ZNF814: variants seen among roughly 807,000 people sequenced by gnomAD.
The protein encoded by ZNF814 is zinc finger protein 814.
Under a neutral mutation model 7.5 loss-of-function variants are expected in ZNF814, and 5 were observed. The ratio of observed to expected loss-of-function variants is 0.67; its 90% CI spans 0.35 to 1.40. The LOEUF (loss-of-function observed/expected upper bound fraction) is 1.40, where lower values mean the gene tolerates loss of function less well. Ranked by LOEUF, ZNF814 falls within the 40% of genes most tolerant of loss-of-function variation. The pLI, the probability that ZNF814 is intolerant of heterozygous loss-of-function variation, is 0.04. For synonymous variants in ZNF814, 315 were observed against 340.7 expected (o/e 0.92, Z 0.83); for missense variants, 962 against 1,018.0 (o/e 0.94, Z 0.75).
rs138986175 is a variant in ZNF814 at position 57,888,690 on chromosome 19, C to T, written c.36+77G>A. The T allele has an allele frequency of 1.8e-4, 275 of 1,528,422 alleles. No homozygotes were observed. In the African/African-American group the frequency reaches 3.0e-3, roughly 16 times the overall value. 94.7% of individuals were successfully genotyped at this position (1,528,422 alleles called of 1,614,324 possible). On this transcript the variant is annotated intron_variant, in intron 1 of 2. Coordinates refer to ENST00000435989, the MANE Select transcript of ZNF814 (RefSeq NM_001144989.2). ...AACGCCGGCGTCCGGGCTGCAGAGC[C>T]GTGAACAGGCGCTGCTACCTCGCTG...
Position 57,873,533 on chromosome 19 carries a change from A to G in ZNF814, c.1857T>C (p.Leu619=). ...CAGTGTGCATGCGCTGATGGTGAACAAGGCTGCGCTTATGACTAAAAGATT... is the reference window on the plus strand; with the variant it reads ...CAGTGTGCATGCGCTGATGGTGAACGAGGCTGCGCTTATGACTAAAAGATT... ...CGKSFSHKRS[L]VHHQRMHTGE... Residue 619 remains leucine (L), a synonymous_variant, in exon 3 of 3, where the codon CTT becomes CTC. Transcript: ENST00000435989. 6.2e-7 allele frequency: 1 copy of G among 1,614,074 alleles called. No individual in the cohort carries two copies.
chr19:57,895,909 A>G, the ZNF814 span, among the ~76,000 whole-genome samples: 1 of 152,208 alleles, frequency 6.6e-6, no homozygotes, highest in Non-Finnish European at 1.5e-5. Flanking sequence ...AAGTGATGAC[A>G]GAATAGCCAC....
At chr19:57,886,448 A>G (rs1338329161) in intron 1 of ZNF814, among the ~76,000 whole-genome samples, 1 of 152,150 alleles carries the variant, frequency 6.6e-6, no homozygotes, top group Non-Finnish European at 1.5e-5. Context: ...GCCTTCGGAA[A>G]ACCTTTAAAA....
intron 1 of ZNF814, among the ~76,000 whole-genome samples, chr19:57,883,287 G>A (rs975753011): frequency 6.6e-6 from 1 of 151,700 alleles, no homozygotes; most frequent in Non-Finnish European, 1.5e-5. Context: ...GAACCCCAGG[G>A]GGGCAGAGCC....
intron 1 of ZNF814, among the ~76,000 whole-genome samples, chr19:57,883,765 T>A (rs1054697105): frequency 4.8e-5 from 7 of 147,232 alleles, no homozygotes; most frequent in Admixed American, 3.4e-4. Context: ...GATTTCTTTA[T>A]TTTTTTTTTT....
At chr19:57,884,789 C>T (rs1191192653) in intron 1 of ZNF814, among the ~76,000 whole-genome samples, 1 of 152,128 alleles carries the variant, frequency 6.6e-6, no homozygotes, top group African/African-American at 2.4e-5. Flanking sequence ...GAAAAAGGAC[C>T]TCTCGTACAC....
Position 57,876,896 on chromosome 19 carries a change from G to T in ZNF814, c.163+20C>A, listed in dbSNP as rs1236659660. On this transcript the variant is annotated intron_variant, in intron 2 of 2. Transcript: ENST00000435989. ...AAACAGAGACTAGCTCAGGTCACAG[G>T]GTGAGTGTGAGCAACTTACCCAGGG... 6.2e-7 allele frequency: 1 copy of T among 1,613,776 alleles called. No individual in the cohort carries two copies. Among genetic ancestry groups the T allele is most frequent in the East Asian group, 2.2e-5 (1 of 44,892 alleles).
Position 57,872,671 on chromosome 19 carries a change from A to G in ZNF814, c.*151T>C, listed in dbSNP as rs1368110224. ...ACTGCACTCATAAGGTGGTGTGACCAGTGTGAACTCTCTTATGAACACAGA... is the reference window on the plus strand; with the variant it reads ...ACTGCACTCATAAGGTGGTGTGACCGGTGTGAACTCTCTTATGAACACAGA... On this transcript the variant is annotated 3_prime_UTR_variant, in exon 3 of 3. Coordinates refer to ENST00000435989, the MANE Select transcript of ZNF814 (RefSeq NM_001144989.2). 9 of 1,560,520 alleles carry G rather than the reference A, an allele frequency of 5.8e-6. No homozygotes were observed. Among genetic ancestry groups the G allele is most frequent in the African/African-American group, 1.4e-5 (1 of 73,282 alleles).
intron 1 of ZNF814, among the ~76,000 whole-genome samples, chr19:57,888,258 A>C (rs2071709586): frequency 6.6e-6 from 1 of 152,254 alleles, no homozygotes; most frequent in South Asian, 2.1e-4. Context: ...CCCATGGCCA[A>C]CTACCAAGTG....
At position 57,872,601 on chromosome 19, in the gene ZNF814, GT is replaced by G. The variant is rs2071565088; in HGVS notation, c.*220del. On this transcript the variant is annotated 3_prime_UTR_variant, in exon 3 of 3. Coordinates refer to ENST00000435989, the MANE Select transcript of ZNF814 (RefSeq NM_001144989.2). ...ACCTTACTCCAGTGTGAACTCTCCT[GT>G]GTTTAATGAGACTGAAAGTTTCAGC... The G allele has an allele frequency of 1.6e-6, 2 of 1,245,018 alleles. No homozygotes were observed. The highest frequency in any genetic ancestry group is 1.1e-6 in the Non-Finnish European group (1 of 875,566). The allele number at this position is 1,245,018 out of a possible 1,614,324, so 77.1% of individuals were successfully genotyped here.
rs1568516342 is a variant in ZNF814, at chr19:57,872,801, A to G, written c.*21T>C. The G allele has an allele frequency of 1.2e-6, 2 of 1,605,420 alleles. No individual in the cohort carries two copies. The highest frequency in any genetic ancestry group is 1.7e-4 in the Middle Eastern group (1 of 5,982). ...AATGAGGTGGTCCTTCTTGCTAAAA[A>G]CTTTCTGACAATCCTCACACTCATA... On this transcript the variant is annotated 3_prime_UTR_variant, in exon 3 of 3. Coordinates refer to ENST00000435989, the MANE Select transcript of ZNF814 (RefSeq NM_001144989.2).
intron 2 of ZNF814, among the ~76,000 whole-genome samples, chr19:57,876,173 G>A (rs2071606295): frequency 6.6e-6 from 1 of 151,824 alleles, no homozygotes; most frequent in Non-Finnish European, 1.5e-5. Context: ...GGCCAGGCTG[G>A]TCTTGAACTC....
the ZNF814 span, among the ~76,000 whole-genome samples, chr19:57,902,535 AAATAT>A: frequency 1.3e-5 from 2 of 152,090 alleles, no homozygotes; most frequent in Non-Finnish European, 2.9e-5. Context: ...TTGGGAGGGT[AAATAT>A]AATAAGTATA....
At chr19:57,886,697 G>A (rs2122467655) in intron 1 of ZNF814, among the ~76,000 whole-genome samples, 2 of 152,162 alleles carry the variant, frequency 1.3e-5, no homozygotes, top group South Asian at 4.1e-4. Flanking sequence ...TAGGCAACAT[G>A]GCGAAACCCC....
At chr19:57,892,031 C>T (rs1251348206), upstream of ZNF814, among the ~76,000 whole-genome samples, 1 of 152,146 alleles carries the variant, frequency 6.6e-6, no homozygotes, top group African/African-American at 2.4e-5. Context: ...GGATTACAGG[C>T]GTGAGCCACT....
chr19:57,894,865 T>TA, the ZNF814 span, among the ~76,000 whole-genome samples: 1 of 152,042 alleles, frequency 6.6e-6, no homozygotes, highest in South Asian at 2.1e-4. Flanking sequence ...TAGCCACATC[T>TA]ATCTAATCTT....
chr19:57,875,619 C>T (rs780303777), intron 2 of ZNF814, among the ~76,000 whole-genome samples: 7 of 152,122 alleles, frequency 4.6e-5, no homozygotes, highest in Non-Finnish European at 5.9e-5. Flanking sequence ...TATATATATT[C>T]GCTAACACAA....
At position 57,873,020 on chromosome 19, in the gene ZNF814, G is replaced by GTGTT; in HGVS notation, c.2366_2369dup (p.His790GlnfsTer13). On this transcript the variant is annotated frameshift_variant, in exon 3 of 3. Coordinates refer to ENST00000435989, the MANE Select transcript of ZNF814 (RefSeq NM_001144989.2). LOFTEE classifies it low-confidence loss of function (END_TRUNC). Reference sequence around the variant, plus strand: ...GCTTTTCTCCAGTGTGAACTCTTTTGTGTTTTGTGAAACTGGAGCTTTCAG... The same window carrying GTGTT: ...GCTTTTCTCCAGTGTGAACTCTTTTGTGTTTGTTTTGTGAAACTGGAGCTTTCAG... 6.2e-7 allele frequency: 1 copy of GTGTT among 1,613,272 alleles called. No individual in the cohort carries two copies. Among genetic ancestry groups the GTGTT allele is most frequent in the South Asian group, 1.1e-5 (1 of 90,972 alleles).
chr19:57,873,698 A>C lies in ZNF814; in HGVS notation c.1692T>G (p.Ile564Met), dbSNP rs760609213. Residue 564 changes from isoleucine (I) to methionine (M), a missense_variant, in exon 3 of 3, where the codon ATT (isoleucine) becomes ATG (methionine). Physicochemically the swap from Ile to Met is conservative, Grantham distance 10. This residue lies in a region of ZNF814 where 665 missense variants were observed against 551.4 expected (regional missense o/e 1.21). Coordinates refer to ENST00000435989, the MANE Select transcript of ZNF814 (RefSeq NM_001144989.2). ...CTCTAGGGTGAACTCGCTGATGTAG[A>C]ATGAGGGTGCCTTTATGACTAAAAG... ...GKSFSHKGTLILHQRVHPRER... is the reference protein window; with the variant it reads ...GKSFSHKGTLMLHQRVHPRER... 6.2e-7 allele frequency: 1 copy of C among 1,613,572 alleles called. No individual in the cohort carries two copies. Among genetic ancestry groups the C allele is most frequent in the South Asian group, 1.1e-5 (1 of 91,024 alleles).
Sources: allele counts gnomAD v4.1 joint callset (sites outside exome capture counted in the v4.1 genomes callset), GRCh38; gene constraint gnomAD v4.1.1; regional missense constraint gnomAD v4.1.1; transcripts MANE v1.5; gene names NCBI Gene and HGNC (gene_info 2026-07-23, HGNC 2026-07-21).